The following FRMPD4 variants were observed in gnomAD, a reference collection of about 807,000 sequenced individuals.
FRMPD4 encodes FERM and PDZ domain containing 4.
FRMPD4 carries 22 observed loss-of-function variants against 94.1 expected under a neutral mutation model. The observed-to-expected ratio is 0.23, with a 90% CI of 0.17 to 0.33. The LOEUF (loss-of-function observed/expected upper bound fraction) is 0.33. Ranked by LOEUF, FRMPD4 falls within the 10% of genes least tolerant of loss-of-function variation. FRMPD4 has a pLI of 1.00. For synonymous variants in FRMPD4, 631 were observed against 548.6 expected (o/e 1.15, Z -2.10); for missense variants, 1,111 against 1,339.9 (o/e 0.83, Z 2.67).
At chrX:12,299,890 A>G (rs5978511) in intron 1 of FRMPD4, among the ~76,000 whole-genome samples, 9,563 of 112,146 alleles carry the variant, frequency 0.085, 324 homozygotes, top group Admixed American at 0.16. Context: ...CTCTCCAACA[A>G]AAGCAAAAGA....
intron 2 of FRMPD4, among the ~76,000 whole-genome samples, chrX:12,607,249 C>A (rs2059139965): frequency 9.0e-6 from 1 of 111,581 alleles, no homozygotes; most frequent in Admixed American, 9.5e-5. Context: ...GAGTTCTGCC[C>A]ACCTCTCTTC....
intron 4 of FRMPD4, among the ~76,000 whole-genome samples, chrX:12,653,836 C>T (rs755086796): frequency 1.6e-4 from 18 of 112,023 alleles, no homozygotes; most frequent in African/African-American, 2.6e-4. Flanking sequence ...GGCACGATCT[C>T]GGCTCACAGC....
chrX:11,955,822 A>T (rs1285065255), intron 3 of FRMPD4, among the ~76,000 whole-genome samples: 1 of 111,511 alleles, frequency 9.0e-6, no homozygotes, highest in East Asian at 2.8e-4. Context: ...TAAACCTTGC[A>T]ACCAGCTAAG....
chrX:12,329,145 G>C (rs537522949), intron 1 of FRMPD4, among the ~76,000 whole-genome samples: 1 of 111,479 alleles, frequency 9.0e-6, no homozygotes, highest in East Asian at 2.8e-4. Context: ...GGACTGAGTG[G>C]GGAAATCCAG....
intron 1 of FRMPD4, among the ~76,000 whole-genome samples, chrX:12,451,315 C>T (rs895734272): frequency 7.1e-5 from 8 of 112,008 alleles, no homozygotes; most frequent in Non-Finnish European, 1.5e-4. Flanking sequence ...ATTAATGACA[C>T]TTTCCTCTTT....
At chrX:12,088,315 G>A (rs1358358484) in intron 3 of FRMPD4, among the ~76,000 whole-genome samples, 1 of 111,478 alleles carries the variant, frequency 9.0e-6, no homozygotes, top group Non-Finnish European at 1.9e-5. Context: ...CAAGATCTCT[G>A]AGACCTCTTT....
At chrX:11,924,074 T>C (rs1432708460) in intron 3 of FRMPD4, among the ~76,000 whole-genome samples, 2 of 112,087 alleles carry the variant, frequency 1.8e-5, no homozygotes, top group African/African-American at 6.5e-5. Context: ...ATAGCCAGTA[T>C]AGAGGAGAAT....
At chrX:11,894,963 T>C (rs916901596) in intron 3 of FRMPD4, among the ~76,000 whole-genome samples, 1 of 111,935 alleles carries the variant, frequency 8.9e-6, no homozygotes, top group Non-Finnish European at 1.9e-5. Flanking sequence ...GGGGAAGGCA[T>C]TGGAGACAGA....
chrX:12,450,415 C>T (rs748367065), intron 1 of FRMPD4, among the ~76,000 whole-genome samples: 142 of 111,638 alleles, frequency 1.3e-3, no homozygotes, highest in African/African-American at 4.4e-3. Context: ...ATTTCAAGTT[C>T]ATCTCATGTT....
chrX:12,435,679 A>G (rs189753564), intron 1 of FRMPD4, among the ~76,000 whole-genome samples: 2 of 111,497 alleles, frequency 1.8e-5, no homozygotes, highest in Non-Finnish European at 3.8e-5. Context: ...TTTGTCTTCG[A>G]TTTTGTTTTT....
chrX:12,630,753 G>A (rs190369995), intron 4 of FRMPD4, among the ~76,000 whole-genome samples: 1 of 111,831 alleles, frequency 8.9e-6, no homozygotes, highest in Non-Finnish European at 1.9e-5. Flanking sequence ...ACAACACAAT[G>A]TTGTCACTAT....
intron 1 of FRMPD4, among the ~76,000 whole-genome samples, chrX:12,485,865 C>T (rs960447309): frequency 7.3e-5 from 8 of 109,414 alleles, no homozygotes; most frequent in Non-Finnish European, 1.1e-4. Context: ...ACCAAGATGG[C>T]GCCATTGCAC....
intron 2 of FRMPD4, among the ~76,000 whole-genome samples, chrX:12,500,723 C>T (rs539072369): frequency 1.8e-5 from 2 of 111,469 alleles, no homozygotes; most frequent in South Asian, 3.8e-4. Flanking sequence ...AATAGTTTGG[C>T]TCAAACCCCA....
intron 4 of FRMPD4, among the ~76,000 whole-genome samples, chrX:12,672,704 T>A (rs2059856090): frequency 8.9e-6 from 1 of 111,949 alleles, no homozygotes; most frequent in South Asian, 3.8e-4. Context: ...CAGTTCATCT[T>A]AGCACCCTGT....
intron 2 of FRMPD4, among the ~76,000 whole-genome samples, chrX:11,873,718 A>T (rs115865620): frequency 0.038 from 3,934 of 103,297 alleles, 56 homozygotes; most frequent in East Asian, 0.047. Context: ...TTTTTTTTTT[A>T]AAAAAAAGAA....
At chrX:12,249,320 T>A (rs919179147) in intron 1 of FRMPD4, among the ~76,000 whole-genome samples, 1 of 111,850 alleles carries the variant, frequency 8.9e-6, no homozygotes, top group Non-Finnish European at 1.9e-5. Context: ...CTTTGGTTTT[T>A]GTGAAAGCCA....
Position 12,704,503 on chromosome X carries a change from T to A in FRMPD4, c.1197+18T>A. The A allele has an allele frequency of 9.2e-7, 1 of 1,082,018 alleles. No individual in the cohort carries two copies. Among genetic ancestry groups the A allele is most frequent in the Non-Finnish European group, 1.2e-6 (1 of 802,363 alleles). The allele number at this position is 1,082,018 out of a possible 1,213,427, so 89.2% of individuals were successfully genotyped here. A position where few individuals can be genotyped will look rare whatever the true frequency, so the allele number is the denominator to read the frequency against. ...GTAAAAAGGTATCACATTTCCATCT[T>A]AAAAGAAAATTATAAAGAGAGAGGC... On this transcript the variant is annotated intron_variant, in intron 11 of 16. Coordinates refer to ENST00000675598, the MANE Select transcript of FRMPD4 (RefSeq NM_001368397.1).
At chrX:11,994,495 A>G (rs2054485765) in intron 3 of FRMPD4, among the ~76,000 whole-genome samples, 1 of 111,289 alleles carries the variant, frequency 9.0e-6, no homozygotes, top group African/African-American at 3.3e-5. Flanking sequence ...CTCTTGTGAT[A>G]AGAAGATTGC....
chrX:11,992,460 T>C (rs1478821337), intron 3 of FRMPD4, among the ~76,000 whole-genome samples: 1 of 111,628 alleles, frequency 9.0e-6, no homozygotes, highest in Non-Finnish European at 1.9e-5. Flanking sequence ...TAATGTGGCT[T>C]ACCCAGAGTC....
Sources: allele counts gnomAD v4.1 joint callset (sites outside exome capture counted in the v4.1 genomes callset), GRCh38; gene constraint gnomAD v4.1.1; transcripts MANE v1.5; gene names NCBI Gene and HGNC (gene_info 2026-07-23, HGNC 2026-07-21).